Variants in EFNA5 observed in about 807,000 individuals in gnomAD.
EFNA5 encodes ephrin-A5.
In EFNA5, 5 loss-of-function variants were observed where a neutral mutation model predicts 22.9. That is an observed-to-expected ratio of 0.22 (90% CI 0.11 to 0.46). The LOEUF (loss-of-function observed/expected upper bound fraction) is 0.46, where lower values mean the gene tolerates loss of function less well. Among genes scored for constraint, EFNA5 ranks in the 20% least tolerant of loss-of-function variants. The probability of loss-of-function intolerance (pLI) is 0.99; values close to 1 mark genes in which losing one functional copy is unlikely to be tolerated. For missense variants in EFNA5, 237 were observed against 293.3 expected (o/e 0.81, Z 1.40); for synonymous variants, 113 against 112.2 (o/e 1.01, Z -0.04).
chr5:107,625,618 T>A (rs1013935377), intron 1 of EFNA5, among the ~76,000 whole-genome samples: 1 of 152,134 alleles, frequency 6.6e-6, no homozygotes, highest in Admixed American at 6.6e-5. Context: ...AGAAACAGGT[T>A]TAGCAATCAT....
chr5:107,517,130 G>A (rs1747496945), intron 1 of EFNA5, among the ~76,000 whole-genome samples: 1 of 150,794 alleles, frequency 6.6e-6, no homozygotes, highest in Non-Finnish European at 1.5e-5. Context: ...TTTATGGTAT[G>A]TAAATTACAT....
chr5:107,538,713 C>A (rs1244637229), intron 1 of EFNA5, among the ~76,000 whole-genome samples: 1 of 152,158 alleles, frequency 6.6e-6, no homozygotes, highest in East Asian at 1.9e-4. Context: ...GTAGAGCAGG[C>A]ATAGAAGATT....
intron 1 of EFNA5, among the ~76,000 whole-genome samples, chr5:107,436,056 C>T (rs1026758345): frequency 6.6e-6 from 1 of 152,218 alleles, no homozygotes; most frequent in African/African-American, 2.4e-5. Flanking sequence ...ACTAATTACT[C>T]ATATCAGATA....
chr5:107,532,506 G>A (rs1281450447), intron 1 of EFNA5, among the ~76,000 whole-genome samples: 1 of 152,202 alleles, frequency 6.6e-6, no homozygotes, highest in East Asian at 1.9e-4. Flanking sequence ...AATGAGTAGT[G>A]GCAAGACAGA....
intron 1 of EFNA5, among the ~76,000 whole-genome samples, chr5:107,602,507 A>C (rs1393102402): frequency 6.6e-6 from 1 of 152,200 alleles, no homozygotes; most frequent in Admixed American, 6.5e-5. Context: ...GAAACCCAGA[A>C]CATCAGGAAC....
chr5:107,516,701 A>G (rs1301400039), intron 1 of EFNA5, among the ~76,000 whole-genome samples: 1 of 152,194 alleles, frequency 6.6e-6, no homozygotes, highest in Non-Finnish European at 1.5e-5. Context: ...GTTTTCCCTC[A>G]ATGGTAAATC....
chr5:107,537,836 A>C (rs1205760237), intron 1 of EFNA5, among the ~76,000 whole-genome samples: 1 of 152,206 alleles, frequency 6.6e-6, no homozygotes, highest in Non-Finnish European at 1.5e-5. Flanking sequence ...CAAAAGAATT[A>C]AACTATGGTC....
intron 2 of EFNA5, among the ~76,000 whole-genome samples, chr5:107,400,384 C>G (rs1748053842): frequency 6.6e-6 from 1 of 152,034 alleles, no homozygotes; most frequent in Non-Finnish European, 1.5e-5. Context: ...AAAAACTCAT[C>G]CTGACACTTC....
intron 2 of EFNA5, chr5:107,388,447 AT>A (rs1747697378): frequency 6.6e-6 from 1 of 151,758 alleles, no homozygotes; most frequent in Admixed American, 6.6e-5. Flanking sequence ...TTTTTTTTCA[AT>A]TTGCCACAGA....
intron 2 of EFNA5, among the ~76,000 whole-genome samples, chr5:107,410,596 G>A (rs770282241): frequency 2.0e-5 from 3 of 152,072 alleles, no homozygotes; most frequent in Non-Finnish European, 4.4e-5. Flanking sequence ...GGTGAGCACT[G>A]TATATTGCAC....
chr5:107,422,363 C>T (rs1748691514), intron 2 of EFNA5, among the ~76,000 whole-genome samples: 2 of 152,112 alleles, frequency 1.3e-5, no homozygotes, highest in Non-Finnish European at 2.9e-5. Context: ...GAACAACCTA[C>T]CATAAATATA....
intron 1 of EFNA5, among the ~76,000 whole-genome samples, chr5:107,603,152 TA>T (rs1446924446): frequency 6.6e-6 from 1 of 152,208 alleles, no homozygotes; most frequent in African/African-American, 2.4e-5. Flanking sequence ...TTTCATTGTT[TA>T]AAGGATTAAG....
intron 4 of EFNA5, among the ~76,000 whole-genome samples, 162 bp downstream of exon 4, chr5:107,387,073 G>T (rs1747644863): frequency 6.6e-6 from 1 of 152,104 alleles, no homozygotes; most frequent in Non-Finnish European, 1.5e-5. Context: ...AGATACTGGA[G>T]GAATGAGGTA....
chr5:107,452,017 G>A (rs780792785), intron 1 of EFNA5, among the ~76,000 whole-genome samples: 5 of 152,246 alleles, frequency 3.3e-5, no homozygotes, highest in Non-Finnish European at 4.4e-5. Context: ...AATGTGGTAC[G>A]TATATACCAA....
intron 1 of EFNA5, among the ~76,000 whole-genome samples, chr5:107,551,009 T>C (rs1457285954): frequency 6.6e-6 from 1 of 152,190 alleles, no homozygotes; most frequent in Non-Finnish European, 1.5e-5. Context: ...TAATAAGGTG[T>C]TTTAATAATA....
chr5:107,579,473 T>G (rs1748995674), intron 1 of EFNA5, among the ~76,000 whole-genome samples: 1 of 151,962 alleles, frequency 6.6e-6, no homozygotes, highest in Non-Finnish European at 1.5e-5. Context: ...TGTTTCTCTT[T>G]AGAACTGCAT....
intron 1 of EFNA5, among the ~76,000 whole-genome samples, chr5:107,597,851 T>C (rs1305068067): frequency 6.6e-6 from 1 of 152,134 alleles, no homozygotes; most frequent in Non-Finnish European, 1.5e-5. Context: ...CTGCTGATAA[T>C]GCGCTGATAG....
At chr5:107,395,052 T>TTTTTTTTTTTTTTA (rs1554056358) in intron 2 of EFNA5, among the ~76,000 whole-genome samples, 4 of 144,278 alleles carry the variant, frequency 2.8e-5, no homozygotes, top group Admixed American at 2.1e-4. Flanking sequence ...TTTTTTTTTT[T>TTTTTTTTTTTTTTA]CCGCGAGACA....
chr5:107,547,726 A>C (rs1748198640), intron 1 of EFNA5, among the ~76,000 whole-genome samples: 1 of 152,116 alleles, frequency 6.6e-6, no homozygotes, highest in South Asian at 2.1e-4. Flanking sequence ...TTTCTTTTTG[A>C]TGATATATAT....
Sources: gnomAD v4.1 joint callset for allele counts (sites outside exome capture counted in the v4.1 genomes callset) on GRCh38, gnomAD v4.1.1 for gene constraint, MANE v1.5 for transcripts, NCBI Gene and HGNC (gene_info 2026-07-23, HGNC 2026-07-21) for gene names.